CSNK1A1: variants seen among roughly 807,000 people sequenced by gnomAD.
CSNK1A1 encodes casein kinase 1 alpha 1.
CSNK1A1 carries 7 observed loss-of-function variants against 46.1 expected under a neutral mutation model. That is an observed-to-expected ratio of 0.15 (90% CI 0.09 to 0.29). CSNK1A1 has a LOEUF of 0.29. Ranked by LOEUF, CSNK1A1 falls within the 10% of genes least tolerant of loss-of-function variation. CSNK1A1 has a pLI of 1.00. For synonymous variants in CSNK1A1, 137 were observed against 141.5 expected, an observed-to-expected ratio of 0.97 and a Z score of 0.23; for missense variants, 96 against 417.1, an observed-to-expected ratio of 0.23 and a Z score of 6.71.
At chr5:149,503,034 G>C in intron 9 of CSNK1A1, 4 of 976,528 alleles carry the variant, frequency 4.1e-6, no homozygotes, top group Non-Finnish European at 4.9e-6. Context: ...TCAAAGTGCT[G>C]GGATAACAGG....
chr5:149,520,160 A>C (rs1761525644), intron 4 of CSNK1A1, 130 bp downstream of exon 4: 1 of 584,282 alleles, frequency 1.7e-6, no homozygotes, highest in Admixed American at 3.2e-5. Context: ...CTCATAGCAC[A>C]ATCTTTTAAA....
chr5:149,538,934 A>G (rs1464437411), intron 2 of CSNK1A1, among the ~76,000 whole-genome samples: 1 of 151,780 alleles, frequency 6.6e-6, no homozygotes, highest in Non-Finnish European at 1.5e-5. Context: ...AAAAAAAAAA[A>G]AGAAAAAGAA....
intron 2 of CSNK1A1, among the ~76,000 whole-genome samples, chr5:149,538,940 AAG>A (rs1561770269): frequency 6.6e-6 from 1 of 151,906 alleles, no homozygotes; most frequent in Non-Finnish European, 1.5e-5. Context: ...AAAAAAGAAA[AAG>A]AAAAAATTAA....
At chr5:149,502,958 G>C (rs1277111124) in intron 9 of CSNK1A1, 1 of 685,288 alleles carries the variant, frequency 1.5e-6, no homozygotes, top group Non-Finnish European at 1.8e-6. Context: ...TTGTAGAGAT[G>C]GGTTTCCACC....
chr5:149,506,018 G>C (rs1050704211), intron 8 of CSNK1A1, among the ~76,000 whole-genome samples: 2 of 151,542 alleles, frequency 1.3e-5, no homozygotes, highest in African/African-American at 4.9e-5. Flanking sequence ...CCTCCGTCTC[G>C]CAGGTTCAAG....
chr5:149,503,653 C>T (rs1760941842), intron 9 of CSNK1A1: 1 of 985,248 alleles, frequency 1.0e-6, no homozygotes. Context: ...CAGTTCTTTC[C>T]CCCGCCCCAA....
chr5:149,515,967 C>T (rs569085270), intron 4 of CSNK1A1, among the ~76,000 whole-genome samples: 4 of 152,310 alleles, frequency 2.6e-5, no homozygotes, highest in South Asian at 2.1e-4. Flanking sequence ...GTAAAATCTG[C>T]GCCCATTTTA....
intron 2 of CSNK1A1, chr5:149,529,703 C>T (rs1340647681): frequency 2.2e-6 from 1 of 456,214 alleles, no homozygotes; most frequent in South Asian, 1.5e-5. Context: ...CAGTGCAAGG[C>T]TTATGAGCTT....
intron 3 of CSNK1A1, among the ~76,000 whole-genome samples, chr5:149,520,760 C>T (rs775088209): frequency 7.9e-5 from 12 of 152,124 alleles, no homozygotes; most frequent in Non-Finnish European, 1.5e-4. Context: ...TCTAAAGTAA[C>T]CTGTTAAAAT....
chr5:149,522,775 G>A (rs13163929), intron 3 of CSNK1A1, among the ~76,000 whole-genome samples: 40,203 of 151,914 alleles, frequency 0.26, 5,722 homozygotes, highest in Admixed American at 0.41. Context: ...TTTGTTACCC[G>A]TGTACCCAAC....
chr5:149,538,738 C>A (rs1037784521), intron 2 of CSNK1A1, among the ~76,000 whole-genome samples: 1 of 152,042 alleles, frequency 6.6e-6, no homozygotes, highest in East Asian at 1.9e-4. Flanking sequence ...GCCTGGCCAA[C>A]AAGGAGAAAC....
chr5:149,536,615 GA>G (rs1427123795), intron 2 of CSNK1A1, among the ~76,000 whole-genome samples: 1 of 152,176 alleles, frequency 6.6e-6, no homozygotes, highest in African/African-American at 2.4e-5. Flanking sequence ...AGGGGAAAAG[GA>G]AAATGGAAGA....
intron 2 of CSNK1A1, among the ~76,000 whole-genome samples, chr5:149,544,938 C>A (rs1762425139): frequency 6.6e-6 from 1 of 150,930 alleles, no homozygotes; most frequent in South Asian, 2.1e-4. Context: ...GAGTTTGAGA[C>A]TAGCCTGGCC....
chr5:149,537,594 A>T (rs564002914), intron 2 of CSNK1A1, among the ~76,000 whole-genome samples: 1 of 150,850 alleles, frequency 6.6e-6, no homozygotes, highest in South Asian at 2.1e-4. Context: ...AAAAACAAAC[A>T]AAACAAAACA....
chr5:149,529,605 AG>A (rs1761827507), intron 2 of CSNK1A1: 1 of 439,572 alleles, frequency 2.3e-6, no homozygotes, highest in African/African-American at 2.0e-5. Flanking sequence ...AGGGCTTACC[AG>A]GCAGGGGCAA....
intron 2 of CSNK1A1, among the ~76,000 whole-genome samples, chr5:149,533,036 C>A (rs966520034): frequency 1.3e-5 from 2 of 152,158 alleles, no homozygotes; most frequent in Non-Finnish European, 2.9e-5. Context: ...TACTACTAAT[C>A]CTTTGCTTAC....
chr5:149,521,268 TTC>T (rs1281817750), intron 3 of CSNK1A1, among the ~76,000 whole-genome samples: 16 of 149,088 alleles, frequency 1.1e-4, no homozygotes, highest in South Asian at 2.1e-4. Context: ...GGATTTACTC[TTC>T]TTTTTTTTTT....
chr5:149,507,233 AT>A, intron 7 of CSNK1A1, 100 bp from the exon 8 acceptor site: 2 of 859,848 alleles, frequency 2.3e-6, no homozygotes, highest in Non-Finnish European at 3.5e-6. Flanking sequence ...TGGGCGGGAT[AT>A]TTTACCATTT....
At position 149,524,947 on chromosome 5, in the gene CSNK1A1, T is replaced by G. The variant is rs1010980586; in HGVS notation, c.357+98A>C. The G allele has an allele frequency of 1.3e-5, 14 of 1,119,536 alleles. No individual in the cohort carries two copies. The African/African-American group carries it at 1.9e-4, about 15-fold the overall frequency. The allele number at this position is 1,119,536 out of a possible 1,614,324, so 69.4% of individuals were successfully genotyped here. On this transcript the variant is annotated intron_variant, in intron 3 of 9. Transcript: ENST00000377843. ...TTTTTCTGCCTATGCTAAGGTTAAA[T>G]AGTGATGCACAGGATTTTAATACTC...
Sources: gnomAD v4.1 joint callset for allele counts (sites outside exome capture counted in the v4.1 genomes callset) on GRCh38, gnomAD v4.1.1 for gene constraint, MANE v1.5 for transcripts, NCBI Gene and HGNC (gene_info 2026-07-23, HGNC 2026-07-21) for gene names.